Variants in QTMAN observed in about 807,000 individuals in gnomAD.
QTMAN encodes queuosine-tRNA mannosyltransferase, also known as tRNA-queuosine alpha-mannosyltransferase.
the QTMAN span, among the ~76,000 whole-genome samples, chr2:144,308,060 T>C: frequency 1.3e-5 from 2 of 151,936 alleles, no homozygotes; most frequent in South Asian, 4.1e-4. Context: ...AACCATGTGA[T>C]TTCAAGACTT....
At chr2:144,107,200 G>C in the QTMAN span, among the ~76,000 whole-genome samples, 1 of 152,114 alleles carries the variant, frequency 6.6e-6, no homozygotes, top group Non-Finnish European at 1.5e-5. Context: ...AAAATAACGA[G>C]AGAAGCAAGA....
chr2:143,966,623 T>G, the QTMAN span, among the ~76,000 whole-genome samples: 1 of 152,212 alleles, frequency 6.6e-6, no homozygotes, highest in African/African-American at 2.4e-5. Context: ...CAGTGAGGCC[T>G]TGGGAAAGTC....
the QTMAN span, among the ~76,000 whole-genome samples, chr2:144,009,402 T>C: frequency 1.3e-5 from 2 of 152,034 alleles, no homozygotes; most frequent in South Asian, 2.1e-4. Flanking sequence ...CAAGGGCTGA[T>C]AGGCAACACT....
chr2:144,029,281 T>A, the QTMAN span, among the ~76,000 whole-genome samples: 1 of 152,318 alleles, frequency 6.6e-6, no homozygotes, highest in East Asian at 1.9e-4. Context: ...TTTTGGGTTA[T>A]CATTATTAGA....
At chr2:143,953,025 T>C in the QTMAN span, among the ~76,000 whole-genome samples, 7 of 151,836 alleles carry the variant, frequency 4.6e-5, no homozygotes, top group Admixed American at 2.0e-4. Flanking sequence ...ATTGATCATA[T>C]ATGAATTTCA....
chr2:144,251,562 C>A, the QTMAN span, among the ~76,000 whole-genome samples: 1 of 152,088 alleles, frequency 6.6e-6, no homozygotes. Context: ...TTACAATATA[C>A]TTTACAGAAA....
the QTMAN span, among the ~76,000 whole-genome samples, chr2:144,265,774 AAG>A: frequency 1.3e-5 from 2 of 152,134 alleles, no homozygotes; most frequent in Non-Finnish European, 2.9e-5. Flanking sequence ...CTCTTCCTTT[AAG>A]GTTACAGCTC....
chr2:144,207,231 A>G, the QTMAN span, among the ~76,000 whole-genome samples: 8 of 152,222 alleles, frequency 5.3e-5, no homozygotes, highest in Admixed American at 1.3e-4. Flanking sequence ...GCACTAAAAC[A>G]GCATTTTACC....
chr2:143,999,074 T>C, the QTMAN span, among the ~76,000 whole-genome samples: 8 of 151,986 alleles, frequency 5.3e-5, no homozygotes, highest in Admixed American at 5.2e-4. Context: ...TCTGGTTAGA[T>C]GCATGGAAAA....
chr2:144,005,085 G>C, the QTMAN span, among the ~76,000 whole-genome samples: 2 of 151,968 alleles, frequency 1.3e-5, no homozygotes, highest in Non-Finnish European at 2.9e-5. Context: ...AGCTGACATG[G>C]CTCGCTTAGG....
chr2:144,182,853 T>TTATATATATATATATTA, the QTMAN span, among the ~76,000 whole-genome samples: 1 of 47,306 alleles, frequency 2.1e-5, no homozygotes, highest in African/African-American at 7.7e-5. Flanking sequence ...TATATATATT[T>TTATATATATATATATTA]TATATATAAT....
chr2:144,065,329 T>C, the QTMAN span, among the ~76,000 whole-genome samples: 2 of 152,208 alleles, frequency 1.3e-5, no homozygotes, highest in Non-Finnish European at 2.9e-5. Flanking sequence ...TGTCTGCCTC[T>C]ATAGATTCAC....
At chr2:143,993,423 G>A in the QTMAN span, among the ~76,000 whole-genome samples, 1 of 151,872 alleles carries the variant, frequency 6.6e-6, no homozygotes, top group East Asian at 1.9e-4. Flanking sequence ...AAAGGGGGGG[G>A]GACTTTGCAG....
the QTMAN span, among the ~76,000 whole-genome samples, chr2:144,280,309 CTTGTGTTGT>C: frequency 6.6e-6 from 1 of 152,106 alleles, no homozygotes; most frequent in Non-Finnish European, 1.5e-5. Flanking sequence ...GAAATAGAAG[CTTGTGTTGT>C]TAAACAGCTC....
the QTMAN span, among the ~76,000 whole-genome samples, chr2:143,985,299 A>C: frequency 6.6e-6 from 1 of 152,242 alleles, no homozygotes; most frequent in Non-Finnish European, 1.5e-5. Flanking sequence ...CCCTGTTGCA[A>C]GTCCCACAAA....
chr2:144,131,900 T>C, the QTMAN span, among the ~76,000 whole-genome samples: 5 of 151,996 alleles, frequency 3.3e-5, no homozygotes, highest in Admixed American at 2.0e-4. Context: ...TGAAAAGTAA[T>C]GTACATAAAG....
chr2:144,128,368 A>G, the QTMAN span: 12 of 152,172 alleles, frequency 7.9e-5, no homozygotes, highest in South Asian at 4.1e-4. Context: ...TCACTGAGTC[A>G]TATGCATTTT....
At chr2:144,303,324 C>G in the QTMAN span, among the ~76,000 whole-genome samples, 1 of 152,044 alleles carries the variant, frequency 6.6e-6, no homozygotes, top group Admixed American at 6.6e-5. Flanking sequence ...TGGACAGGCC[C>G]TTAAGTACCA....
At chr2:144,133,456 A>ATTAT in the QTMAN span, among the ~76,000 whole-genome samples, 289 of 44,430 alleles carry the variant, frequency 6.5e-3, 7 homozygotes, top group African/African-American at 0.034. Context: ...TATAATATAT[A>ATTAT]ATATATATTA....
Sources: allele counts gnomAD v4.1 joint callset (sites outside exome capture counted in the v4.1 genomes callset), GRCh38; gene constraint gnomAD v4.1.1; transcripts MANE v1.5; gene names NCBI Gene and HGNC (gene_info 2026-07-23, HGNC 2026-07-21).